Variants in FHAD1 observed in about 807,000 individuals in gnomAD.
FHAD1 encodes forkhead associated phosphopeptide binding domain 1.
A neutral mutation model predicts 191.3 loss-of-function variants in FHAD1; 146 were observed. The ratio of observed to expected loss-of-function variants is 0.76; its 90% confidence interval spans 0.67 to 0.88. FHAD1 has a LOEUF of 0.88. Among genes scored for constraint, FHAD1 ranks in the 40% least tolerant of loss-of-function variants. The pLI is 0.00. For synonymous variants in FHAD1, 616 were observed against 672.3 expected, an observed-to-expected ratio of 0.92 and a Z score of 1.29; for missense variants, 1,635 against 1,785.8, an observed-to-expected ratio of 0.92 and a Z score of 1.52.
chr1:15,307,092 A>T (rs1294835697), intron 6 of FHAD1, among the ~76,000 whole-genome samples: 1 of 152,198 alleles, frequency 6.6e-6, no homozygotes, highest in Non-Finnish European at 1.5e-5. Context: ...AGACCATGGG[A>T]ACCTACCTCT....
In FHAD1 at chr1:15,390,820, G is replaced by A. The variant is rs990272687; in HGVS notation, c.4270-390G>A. On this transcript the variant is annotated intron_variant, in intron 32 of 33. Coordinates refer to ENST00000688493, the MANE Select transcript of FHAD1 (RefSeq NM_001391957.1). ...ACCATCCCTGAGCCATTGGGATACC[G>A]AGGTGTGAACCACCGGGCATCTGCA... Among the ~76,000 whole-genome samples, 16 of 152,146 alleles carry A rather than the reference G, an allele frequency of 1.1e-4. No homozygotes were observed. The East Asian group carries it at 2.9e-3, about 27-fold the overall frequency.
chr1:15,238,250 G>A (rs1365341313), intron 1 of FHAD1, among the ~76,000 whole-genome samples: 59 of 96,892 alleles, frequency 6.1e-4, no homozygotes, highest in South Asian at 1.5e-3. Context: ...CCATCTCAAG[G>A]AAAAAAAAAA....
At chr1:15,308,448 C>A (rs1045366409) in intron 6 of FHAD1, among the ~76,000 whole-genome samples, 165 bp from the exon 7 acceptor site, 1 of 152,190 alleles carries the variant, frequency 6.6e-6, no homozygotes, top group South Asian at 2.1e-4. Context: ...CTTGAAGGAA[C>A]AGGCCCTCCC....
At chr1:15,336,951 G>C (rs1314673684) in intron 14 of FHAD1, among the ~76,000 whole-genome samples, 1 of 152,190 alleles carries the variant, frequency 6.6e-6, no homozygotes, top group African/African-American at 2.4e-5. Flanking sequence ...CTCCTGTGCA[G>C]TCAGCCCTTG....
At chr1:15,375,874 G>A (rs920240789) in intron 28 of FHAD1, 144 bp downstream of exon 28, 73 of 796,094 alleles carry the variant, frequency 9.2e-5, no homozygotes, top group Non-Finnish European at 1.3e-4. Flanking sequence ...CTGGGGCCCC[G>A]ACCATACCCG....
intron 21 of FHAD1, among the ~76,000 whole-genome samples, chr1:15,359,337 C>T (rs978811375): frequency 3.9e-5 from 6 of 151,954 alleles, no homozygotes; most frequent in South Asian, 2.1e-4. Context: ...GTGAGTGTCT[C>T]GGGCAAAGAA....
At chr1:15,366,584 A>C (rs1195612911) in intron 24 of FHAD1, among the ~76,000 whole-genome samples, 3 of 152,362 alleles carry the variant, frequency 2.0e-5, no homozygotes, top group African/African-American at 7.2e-5. Context: ...TCCCTGCAGC[A>C]GGCCAGTTTG....
At chr1:15,237,078 G>A (rs1644866740) in intron 1 of FHAD1, among the ~76,000 whole-genome samples, 1 of 152,090 alleles carries the variant, frequency 6.6e-6, no homozygotes, top group Non-Finnish European at 1.5e-5. Context: ...GTTTCCTGAG[G>A]CCTCCCTTGC....
At chr1:15,296,316 C>T (rs1191904932) in intron 4 of FHAD1, among the ~76,000 whole-genome samples, 1 of 149,980 alleles carries the variant, frequency 6.7e-6, no homozygotes, top group Non-Finnish European at 1.5e-5. Context: ...TGCAGTGGCG[C>T]AATCTCGGCT....
intron 2 of FHAD1, among the ~76,000 whole-genome samples, chr1:15,265,029 G>C (rs887064050): frequency 1.1e-4 from 16 of 152,114 alleles, no homozygotes; most frequent in African/African-American, 3.4e-4. Context: ...ATCCCACTTG[G>C]TCATGGTGTA....
intron 18 of FHAD1, among the ~76,000 whole-genome samples, chr1:15,346,636 T>TA (rs1558180920): frequency 3.3e-5 from 5 of 152,236 alleles, no homozygotes; most frequent in Non-Finnish European, 5.9e-5. Flanking sequence ...AAACTAGCTT[T>TA]TGGGAAAGCT....
chr1:15,373,509 C>CAA (rs35860053), intron 26 of FHAD1, among the ~76,000 whole-genome samples: 148 of 142,702 alleles, frequency 1.0e-3, no homozygotes, highest in Middle Eastern at 3.7e-3. Context: ...AAGACTCCGT[C>CAA]AAAAAAAAAA....
chr1:15,248,710 C>T (rs1046218420), intron 1 of FHAD1, among the ~76,000 whole-genome samples: 1 of 151,964 alleles, frequency 6.6e-6, no homozygotes. Flanking sequence ...CTCAGACTTC[C>T]GATTAGCTGG....
At chr1:15,290,535 A>C (rs1664222753) in intron 4 of FHAD1, among the ~76,000 whole-genome samples, 3 of 152,128 alleles carry the variant, frequency 2.0e-5, no homozygotes, top group Admixed American at 2.0e-4. Context: ...CTCAGTCACT[A>C]AAATCATTAT....
intron 22 of FHAD1, 121 bp downstream of exon 22, chr1:15,360,824 C>A: frequency 1.3e-6 from 1 of 779,748 alleles, no homozygotes; most frequent in Non-Finnish European, 2.1e-6. Flanking sequence ...CTCATTCATT[C>A]TCTGAGGCCC....
intron 2 of FHAD1, among the ~76,000 whole-genome samples, chr1:15,259,194 A>G (rs1649812020): frequency 6.6e-6 from 1 of 152,096 alleles, no homozygotes; most frequent in Admixed American, 6.6e-5. Flanking sequence ...TTTGACTAGC[A>G]CAGATAATAC....
At chr1:15,383,198 G>T (rs758517809) in intron 31 of FHAD1, 2 of 471,520 alleles carry the variant, frequency 4.2e-6, no homozygotes, top group Non-Finnish European at 8.8e-6. Context: ...CAGATGGTGA[G>T]GATGAAAGAA....
chr1:15,313,045 T>A lies in FHAD1; in HGVS notation c.1040-12T>A. 3 of 1,551,576 alleles carry A rather than the reference T, an allele frequency of 1.9e-6. No individual in the cohort carries two copies. Among genetic ancestry groups the A allele is most frequent in the Non-Finnish European group, 2.6e-6 (3 of 1,146,900 alleles). On this transcript the variant is annotated splice_polypyrimidine_tract_variant and intron_variant, in intron 7 of 33. Transcript: ENST00000688493. ...CTGCCTCTTTGACCTCTGCGAGTCT[T>A]CTTTTTTACAGGGATGGTGTCATCT...
intron 2 of FHAD1, among the ~76,000 whole-genome samples, chr1:15,272,048 GC>G (rs938599800): frequency 2.6e-5 from 4 of 152,244 alleles, no homozygotes; most frequent in Admixed American, 2.6e-4. Context: ...AGATCCCTTT[GC>G]CTTTGTGTTG....
Sources: allele counts gnomAD v4.1 joint callset (sites outside exome capture counted in the v4.1 genomes callset), GRCh38; gene constraint gnomAD v4.1.1; transcripts MANE v1.5; gene names NCBI Gene and HGNC (gene_info 2026-07-23, HGNC 2026-07-21).